Variants in COL14A1 observed in about 807,000 individuals in gnomAD.
The protein encoded by COL14A1 is collagen type XIV alpha 1 chain.
COL14A1 carries 136 observed loss-of-function variants against 230.3 expected under a neutral mutation model. The ratio of observed to expected loss-of-function variants is 0.59; its 90% confidence interval spans 0.51 to 0.68. COL14A1 has a LOEUF of 0.68. Ranked by LOEUF, COL14A1 falls within the 30% of genes least tolerant of loss-of-function variation. The pLI is 0.00. For synonymous variants in COL14A1, 792 were observed against 784.1 expected (o/e 1.01, Z -0.17); for missense variants, 1,976 against 2,215.8 (o/e 0.89, Z 2.17).
chr8:120,345,616 G>A (rs1351847374), intron 45 of COL14A1, 53 bp downstream of exon 45: 7 of 1,408,444 alleles, frequency 5.0e-6, no homozygotes, highest in Non-Finnish European at 5.6e-6. Context: ...GTGCAGGGAA[G>A]CAGAACATTA....
chr8:120,338,124 C>A (rs1427998523), intron 42 of COL14A1, among the ~76,000 whole-genome samples: 1 of 150,580 alleles, frequency 6.6e-6, no homozygotes, highest in Non-Finnish European at 1.5e-5. Context: ...TAAATGATAG[C>A]AAGAATAGCA....
chr8:120,359,488 C>T (rs1481689140), intron 45 of COL14A1, among the ~76,000 whole-genome samples: 1 of 152,134 alleles, frequency 6.6e-6, no homozygotes, highest in East Asian at 1.9e-4. Flanking sequence ...GACCAAGCTC[C>T]AATTTAAATA....
intron 19 of COL14A1, 76 bp from the exon 20 acceptor site, chr8:120,243,803 C>A: frequency 6.7e-7 from 1 of 1,493,544 alleles, no homozygotes; most frequent in Non-Finnish European, 9.2e-7. Flanking sequence ...TTTCAAAATG[C>A]ATAAAGTTAT....
At chr8:120,324,462 TC>T (rs1821586284) in intron 40 of COL14A1, among the ~76,000 whole-genome samples, 2 of 152,164 alleles carry the variant, frequency 1.3e-5, no homozygotes, top group Admixed American at 1.3e-4. Flanking sequence ...GGCCTCTTAA[TC>T]TGGTGGTTGG....
At chr8:120,311,072 G>A (rs1194212095) in intron 37 of COL14A1, among the ~76,000 whole-genome samples, 1 of 152,110 alleles carries the variant, frequency 6.6e-6, no homozygotes, top group African/African-American at 2.4e-5. Context: ...AGAAAATATT[G>A]GGATAAAAAA....
chr8:120,193,394 C>A (rs982805560), intron 5 of COL14A1, among the ~76,000 whole-genome samples: 3 of 152,170 alleles, frequency 2.0e-5, no homozygotes, highest in Non-Finnish European at 2.9e-5. Context: ...GCTGTCTGAT[C>A]GTTCCTCTGG....
chr8:120,208,053 G>T (rs1313591295), intron 10 of COL14A1, among the ~76,000 whole-genome samples, 179 bp from the exon 11 acceptor site: 1 of 152,108 alleles, frequency 6.6e-6, no homozygotes, highest in Non-Finnish European at 1.5e-5. Context: ...TTCCATAAAA[G>T]GTGCATCACT....
chr8:120,213,938 C>G (rs1262273953), intron 13 of COL14A1: 1 of 427,116 alleles, frequency 2.3e-6, no homozygotes, highest in South Asian at 1.7e-5. Context: ...TCTCTAGCAC[C>G]TTAATTATTA....
chr8:120,184,483 G>T (rs1423443983), intron 5 of COL14A1, among the ~76,000 whole-genome samples: 1 of 151,950 alleles, frequency 6.6e-6, no homozygotes. Context: ...TCAAACTGCT[G>T]GCCTCAAGTG....
At chr8:120,286,002 A>T in intron 33 of COL14A1, 32 bp downstream of exon 33, 1 of 1,212,406 alleles carries the variant, frequency 8.2e-7, no homozygotes, top group Non-Finnish European at 1.2e-6. Context: ...TATATTCTTT[A>T]TTCTATTTGC....
intron 5 of COL14A1, among the ~76,000 whole-genome samples, chr8:120,179,879 C>T (rs767326457): frequency 1.3e-5 from 2 of 152,096 alleles, no homozygotes; most frequent in African/African-American, 2.4e-5. Flanking sequence ...AGAAGCGAGT[C>T]TTCATAAATA....
Position 120,225,103 on chromosome 8 carries a change from A to G in COL14A1, c.1753A>G (p.Ile585Val), listed in dbSNP as rs1194484159. ...TCTTTGACAGGTTGAAGTCGATCCT[A>G]TTACTACCTTCCCTCTGAAGGGCTT... is the stretch of plus-strand genomic sequence containing the variant. ...TEINEVEVDP[I>V]TTFPLKGLTP... The change falls in exon 15 of 48, where the codon ATT becomes GTT. Residue 585 changes from isoleucine (I) to valine (V), a missense_variant. Coordinates refer to ENST00000297848, the MANE Select transcript of COL14A1 (RefSeq NM_021110.4). The G allele has an allele frequency of 1.9e-6, 3 of 1,611,738 alleles. No homozygotes were observed. The highest frequency in any genetic ancestry group is 1.6e-4 in the Middle Eastern group (1 of 6,064).
At chr8:120,188,730 C>T (rs552552247) in intron 5 of COL14A1, among the ~76,000 whole-genome samples, 44 of 152,316 alleles carry the variant, frequency 2.9e-4, no homozygotes, top group African/African-American at 1.0e-3. Flanking sequence ...TGTCCCTTTG[C>T]TTTAATTTTA....
At chr8:120,230,841 G>GA (rs554374997) in intron 18 of COL14A1, among the ~76,000 whole-genome samples, 2 of 152,068 alleles carry the variant, frequency 1.3e-5, no homozygotes, top group Non-Finnish European at 2.9e-5. Context: ...GAAGAGAAAA[G>GA]AAAAAAATGC....
intron 5 of COL14A1, among the ~76,000 whole-genome samples, chr8:120,179,814 A>G (rs1816403634): frequency 6.6e-6 from 1 of 152,218 alleles, no homozygotes; most frequent in Non-Finnish European, 1.5e-5. Flanking sequence ...ACAAGTCTAC[A>G]TTAACCAAAA....
At chr8:120,152,186 T>A (rs77893692) in intron 2 of COL14A1, among the ~76,000 whole-genome samples, 3,794 of 152,008 alleles carry the variant, frequency 0.025, 54 homozygotes, top group African/African-American at 0.039. Flanking sequence ...TAAAAGACAT[T>A]CAGTATGGCT....
intron 1 of COL14A1, among the ~76,000 whole-genome samples, chr8:120,131,846 T>C (rs1317192465): frequency 1.5e-5 from 2 of 131,002 alleles, no homozygotes; most frequent in African/African-American, 2.9e-5. Flanking sequence ...TTCTTTTTTT[T>C]TTTTTTTTTT....
intron 1 of COL14A1, among the ~76,000 whole-genome samples, chr8:120,134,511 C>T (rs1455044233): frequency 6.6e-6 from 1 of 151,164 alleles, no homozygotes; most frequent in Non-Finnish European, 1.5e-5. Context: ...TGTAAGAATA[C>T]TAAAAGAAAA....
At position 120,367,653 on chromosome 8, in the gene COL14A1, G is replaced by T. The variant is rs191299718; in HGVS notation, c.5155+405G>T. On this transcript the variant is annotated intron_variant, in intron 46 of 47. Coordinates refer to ENST00000297848, the MANE Select transcript of COL14A1 (RefSeq NM_021110.4). ...AAGAGAAAGAAAAAGAAGGCACATC[G>T]GGCTGGGTGCGGTGGCTCACTCCTG... Among the ~76,000 whole-genome samples, 15 of 152,106 alleles carry T rather than the reference G, an allele frequency of 9.9e-5. 1 individual carries two copies. In the East Asian group the frequency reaches 2.7e-3, roughly 27 times the overall value.
Sources: gnomAD v4.1 joint callset for allele counts (sites outside exome capture counted in the v4.1 genomes callset) on GRCh38, gnomAD v4.1.1 for gene constraint, MANE v1.5 for transcripts, NCBI Gene and HGNC (gene_info 2026-07-23, HGNC 2026-07-21) for gene names.